Variants in VMP1 observed in about 807,000 individuals in gnomAD.
The protein encoded by VMP1 is ectopic P-granules autophagy protein 3 homolog.
Under a neutral mutation model 56.0 loss-of-function variants are expected in VMP1, and 11 were observed. The ratio of observed to expected loss-of-function variants is 0.20; its 90% CI spans 0.12 to 0.32. VMP1 has a LOEUF of 0.32. Among genes scored for constraint, VMP1 ranks in the 10% least tolerant of loss-of-function variants. VMP1 has a pLI of 1.00. For synonymous variants in VMP1, 149 were observed against 165.0 expected, an observed-to-expected ratio of 0.90 and a Z score of 0.74; for missense variants, 296 against 490.3, an observed-to-expected ratio of 0.60 and a Z score of 3.74.
At chr17:59,773,108 C>T (rs956844853) in intron 6 of VMP1, among the ~76,000 whole-genome samples, 6 of 151,530 alleles carry the variant, frequency 4.0e-5, no homozygotes, top group African/African-American at 7.3e-5. Flanking sequence ...ACTGCAAGTG[C>T]GTGCCACCAC....
chr17:59,737,408 G>A (rs2035055585), intron 3 of VMP1, 45 bp from the exon 4 acceptor site: 16 of 1,569,488 alleles, frequency 1.0e-5, no homozygotes, highest in Non-Finnish European at 1.4e-5. Context: ...GATGAATGCT[G>A]AAAGTGAGAC....
At chr17:59,714,710 A>G (rs1235030311) in intron 1 of VMP1, among the ~76,000 whole-genome samples, 1 of 152,004 alleles carries the variant, frequency 6.6e-6, no homozygotes, top group Non-Finnish European at 1.5e-5. Flanking sequence ...CACCCAGGCT[A>G]GATTGTTAGA....
intron 6 of VMP1, among the ~76,000 whole-genome samples, chr17:59,772,950 C>A (rs866522192): frequency 1.8e-5 from 1 of 55,676 alleles, no homozygotes; most frequent in Non-Finnish European, 3.0e-5. Flanking sequence ...CTGGTGAATT[C>A]TTTTTTTTTT....
intron 9 of VMP1, 118 bp from the exon 10 acceptor site, chr17:59,817,594 A>T: frequency 8.0e-6 from 5 of 625,650 alleles, no homozygotes; most frequent in Non-Finnish European, 1.1e-5. Context: ...TTTTAAAGAA[A>T]TTTAAAAATT....
At chr17:59,807,676 T>C (rs1049566731) in intron 7 of VMP1, among the ~76,000 whole-genome samples, 3 of 151,566 alleles carry the variant, frequency 2.0e-5, no homozygotes, top group African/African-American at 4.8e-5. Flanking sequence ...CTACTAAAAA[T>C]ACAAAATTAG....
intron 7 of VMP1, among the ~76,000 whole-genome samples, chr17:59,774,808 T>C (rs938346375): frequency 2.0e-5 from 3 of 151,986 alleles, no homozygotes; most frequent in Non-Finnish European, 2.9e-5. Flanking sequence ...CTTCAAACTC[T>C]TAGGCTCCAG....
chr17:59,748,896 T>TA (rs935440034), intron 5 of VMP1, among the ~76,000 whole-genome samples: 3,849 of 149,118 alleles, frequency 0.026, 113 homozygotes, highest in African/African-American at 0.075. Context: ...TATTATTTAT[T>TA]TTTTTTTTTT....
chr17:59,810,158 GT>G lies in VMP1; in HGVS notation c.795+1287del, dbSNP rs2038006567. On this transcript the variant is annotated intron_variant, in intron 8 of 11. Transcript: ENST00000262291. ...TATCTTAAATCCTTTTTTTGTGTTT[GT>G]TTTTCTTTTTTTGAGACAGAGTCTC... Among the ~76,000 whole-genome samples, 3 of 151,812 alleles carry G rather than the reference GT, an allele frequency of 2.0e-5. No homozygotes were observed. In the South Asian group the frequency reaches 6.2e-4, roughly 32 times the overall value.
chr17:59,832,592 GT>G (rs2038847304), intron 10 of VMP1, among the ~76,000 whole-genome samples: 1 of 150,634 alleles, frequency 6.6e-6, no homozygotes, highest in South Asian at 2.1e-4. Flanking sequence ...GTTTTGTTTT[GT>G]TTTGTTTTGT....
chr17:59,768,517 C>T (rs1426838411), intron 6 of VMP1, among the ~76,000 whole-genome samples: 3 of 151,942 alleles, frequency 2.0e-5, no homozygotes, highest in Non-Finnish European at 2.9e-5. Flanking sequence ...GCAGGAGAAT[C>T]GCTTGAACCC....
At position 59,804,339 on chromosome 17, in the gene VMP1, C is replaced by T. The variant is rs151139433; in HGVS notation, c.715-4457C>T. Among the ~76,000 whole-genome samples, 5 of 152,032 alleles carry T rather than the reference C, an allele frequency of 3.3e-5. No individual in the cohort carries two copies. In the East Asian group the frequency reaches 7.7e-4, roughly 23 times the overall value. ...GAAAGTAAAATAAATTTGGGCCTGG[C>T]GCACCGGCTCAAGCCAGTAATCCCA... On this transcript the variant is annotated intron_variant, in intron 7 of 11. Coordinates refer to ENST00000262291, the MANE Select transcript of VMP1 (RefSeq NM_030938.5).
chr17:59,839,872 A>G lies in VMP1; in HGVS notation c.1182A>G (p.Arg394=). The G allele has an allele frequency of 6.2e-7, 1 of 1,612,784 alleles. No individual in the cohort carries two copies. Among genetic ancestry groups the G allele is most frequent in the Non-Finnish European group, 8.5e-7 (1 of 1,179,792 alleles). ...INSMAQSYAK[R]IQQRLNSEEK... ...CCATGGCACAAAGTTATGCCAAACG[A>G]ATCCAGCAGCGGTTGAACTCAGAGG... is the stretch of plus-strand genomic sequence containing the variant. Residue 394 remains arginine, a synonymous_variant, in exon 12 of 12, where the codon CGA becomes CGG. Coordinates refer to ENST00000262291, the MANE Select transcript of VMP1 (RefSeq NM_030938.5).
rs920253116 is a variant in VMP1 at position 59,840,584 on chromosome 17, C to T, written c.*673C>T. 37 of 152,616 alleles carry T rather than the reference C, an allele frequency of 2.4e-4. No homozygotes were observed. Among genetic ancestry groups the T allele is most frequent in the African/African-American group, 8.2e-4 (34 of 41,434 alleles). The allele number at this position is 152,616 out of a possible 1,614,324, so 9.5% of individuals were successfully genotyped here. On this transcript the variant is annotated 3_prime_UTR_variant, in exon 12 of 12. Coordinates refer to ENST00000262291, the MANE Select transcript of VMP1 (RefSeq NM_030938.5). Reference sequence around the variant, plus strand: ...AAAACTTTATAAAGACATCTTTAATCATTCCAAAATTGTGTCCGTTTTCTT... The same window carrying T: ...AAAACTTTATAAAGACATCTTTAATTATTCCAAAATTGTGTCCGTTTTCTT...
At chr17:59,778,244 A>C (rs965574791) in intron 7 of VMP1, among the ~76,000 whole-genome samples, 1 of 152,080 alleles carries the variant, frequency 6.6e-6, no homozygotes, top group Non-Finnish European at 1.5e-5. Flanking sequence ...TGTTTATATA[A>C]GAATAAGGCA....
At chr17:59,725,283 A>G (rs1245234980) in intron 1 of VMP1, among the ~76,000 whole-genome samples, 1 of 152,206 alleles carries the variant, frequency 6.6e-6, no homozygotes, top group Admixed American at 6.5e-5. Context: ...CTTCTTAGAC[A>G]GATCATAAGA....
At chr17:59,838,103 T>TTC (rs1555629419) in intron 10 of VMP1, 192 bp from the exon 11 acceptor site, 2 of 183,844 alleles carry the variant, frequency 1.1e-5, no homozygotes, top group African/African-American at 3.4e-5. Context: ...AAATTTTCTT[T>TTC]TTTTTTTTTT....
intron 5 of VMP1, among the ~76,000 whole-genome samples, chr17:59,743,119 C>G (rs1333940609): frequency 6.6e-6 from 1 of 151,978 alleles, no homozygotes; most frequent in African/African-American, 2.4e-5. Context: ...TAACTAAAAC[C>G]CATAGTTTAT....
At chr17:59,770,956 T>C (rs2036401448) in intron 6 of VMP1, among the ~76,000 whole-genome samples, 1 of 152,132 alleles carries the variant, frequency 6.6e-6, no homozygotes, top group East Asian at 1.9e-4. Flanking sequence ...CATGTTGCTC[T>C]GTTCCTTGTG....
chr17:59,789,013 G>A (rs952312859), intron 7 of VMP1, among the ~76,000 whole-genome samples: 31 of 151,032 alleles, frequency 2.1e-4, no homozygotes, highest in African/African-American at 6.3e-4. Context: ...CTTTTGGGCC[G>A]GGCGCCATGG....
Sources: gnomAD v4.1 joint callset for allele counts (sites outside exome capture counted in the v4.1 genomes callset) on GRCh38, gnomAD v4.1.1 for gene constraint, MANE v1.5 for transcripts, NCBI Gene and HGNC (gene_info 2026-07-23, HGNC 2026-07-21) for gene names.